ZDHHC21: variants seen among roughly 807,000 people sequenced by gnomAD.
ZDHHC21 encodes palmitoyltransferase ZDHHC21.
A neutral mutation model predicts 34.6 loss-of-function variants in ZDHHC21; 15 were observed. That is an observed-to-expected ratio of 0.43 (90% CI 0.29 to 0.67). The LOEUF is 0.67. ZDHHC21 is among the 30% of genes least tolerant of loss of function. The pLI is 0.14. For synonymous variants in ZDHHC21, 142 were observed against 101.8 expected (o/e 1.40, Z -2.38); for missense variants, 344 against 327.7 (o/e 1.05, Z -0.38).
chr9:14,677,538 T>C (rs758967693), intron 3 of ZDHHC21: 1 of 151,998 alleles, frequency 6.6e-6, no homozygotes, highest in Non-Finnish European at 1.5e-5. Context: ...AAGGACAGCA[T>C]TCATAAAATA....
At chr9:14,685,682 G>C (rs912532187) in intron 2 of ZDHHC21, among the ~76,000 whole-genome samples, 2 of 152,184 alleles carry the variant, frequency 1.3e-5, no homozygotes, top group Non-Finnish European at 2.9e-5. Context: ...AATACCATTT[G>C]ACCCAGCCAT....
chr9:14,604,650 A>G, the ZDHHC21 span, among the ~76,000 whole-genome samples: 1 of 152,172 alleles, frequency 6.6e-6, no homozygotes, highest in African/African-American at 2.4e-5. Context: ...AATTACACAA[A>G]TTTAGTAAAC....
At chr9:14,659,516 G>C (rs1011748646) in intron 6 of ZDHHC21, among the ~76,000 whole-genome samples, 1 of 152,058 alleles carries the variant, frequency 6.6e-6, no homozygotes, top group Non-Finnish European at 1.5e-5. Context: ...AAATTTTCAA[G>C]GCTAATTTAA....
chr9:14,692,298 A>G (rs1408078351), intron 1 of ZDHHC21, among the ~76,000 whole-genome samples: 2 of 152,240 alleles, frequency 1.3e-5, no homozygotes, highest in East Asian at 3.8e-4. Flanking sequence ...ACCACAAGGA[A>G]AGCAGTGAAT....
the ZDHHC21 span, among the ~76,000 whole-genome samples, chr9:14,605,312 AC>A: frequency 4.0e-5 from 6 of 151,626 alleles, no homozygotes; most frequent in Non-Finnish European, 8.8e-5. Context: ...ACCATTTTAC[AC>A]CCCTAGTAAC....
chr9:14,665,536 C>G (rs1834266914), intron 5 of ZDHHC21, among the ~76,000 whole-genome samples: 1 of 151,888 alleles, frequency 6.6e-6, no homozygotes, highest in Non-Finnish European at 1.5e-5. Context: ...AACTCCAAGA[C>G]ACATAATTGT....
the ZDHHC21 span, among the ~76,000 whole-genome samples, chr9:14,602,299 C>G: frequency 1.3e-5 from 2 of 151,806 alleles, no homozygotes; most frequent in African/African-American, 4.8e-5. Context: ...ATAATTCAGT[C>G]AAATTTAAAA....
Position 14,674,269 on chromosome 9 carries a change from CCAAA to C in ZDHHC21, c.68_71del (p.Val23GlyfsTer7). ...TGGGAATTAAAACAATATTGTATAA[CCAAA>C]CAAAGACAATCAAACCCATGCAGCA... is the stretch of plus-strand genomic sequence containing the variant. On this transcript the variant is annotated frameshift_variant, in exon 4 of 10. Transcript: ENST00000380916. LOFTEE classifies it high-confidence loss of function. 3 of 1,597,852 alleles carry C rather than the reference CCAAA, an allele frequency of 1.9e-6. No homozygotes were observed. The highest frequency in any genetic ancestry group is 2.6e-6 in the Non-Finnish European group (3 of 1,173,778).
intron 8 of ZDHHC21, among the ~76,000 whole-genome samples, chr9:14,628,076 A>G (rs932268128): frequency 4.6e-5 from 7 of 152,202 alleles, no homozygotes; most frequent in African/African-American, 1.7e-4. Flanking sequence ...ACAAAAACGT[A>G]TATTTAAATC....
chr9:14,649,557 C>G (rs1830856798), intron 7 of ZDHHC21, among the ~76,000 whole-genome samples: 1 of 152,046 alleles, frequency 6.6e-6, no homozygotes, highest in African/African-American at 2.4e-5. Flanking sequence ...CCTCCACTTC[C>G]CAACCCAACG....
At chr9:14,605,130 T>C in the ZDHHC21 span, among the ~76,000 whole-genome samples, 1 of 152,130 alleles carries the variant, frequency 6.6e-6, no homozygotes, top group Non-Finnish European at 1.5e-5. Context: ...TTAGGTTGTT[T>C]CCATCTCTTG....
In ZDHHC21 at chr9:14,627,049, T is replaced by C. The variant is rs576591879; in HGVS notation, c.622-7367A>G. Among the ~76,000 whole-genome samples, 166 of 152,222 alleles carry C rather than the reference T, an allele frequency of 1.1e-3. 5 individuals are homozygous for C. The South Asian group carries it at 0.033, about 31-fold the overall frequency. On this transcript the variant is annotated intron_variant, in intron 8 of 9. Coordinates refer to ENST00000380916, the MANE Select transcript of ZDHHC21 (RefSeq NM_178566.6). ...TCTGCAATGCTGACCTGGAGCTGAG[T>C]ACATCAAACATAATTGTTATAAAGA...
At chr9:14,666,338 G>C (rs1168851455) in intron 5 of ZDHHC21, among the ~76,000 whole-genome samples, 1 of 133,348 alleles carries the variant, frequency 7.5e-6, no homozygotes, top group African/African-American at 2.7e-5. Context: ...GGAGCACCCA[G>C]ATTCATAAAT....
At chr9:14,630,487 C>T (rs988850076) in intron 8 of ZDHHC21, among the ~76,000 whole-genome samples, 1 of 152,174 alleles carries the variant, frequency 6.6e-6, no homozygotes, top group Non-Finnish European at 1.5e-5. Context: ...TTAGAATCAA[C>T]TTCTTCCAAA....
chr9:14,693,187 G>C (rs1226596122), intron 1 of ZDHHC21, 42 bp downstream of exon 1: 1 of 320,346 alleles, frequency 3.1e-6, no homozygotes, highest in Non-Finnish European at 6.0e-6. Context: ...GATGGGGATG[G>C]GGGTGGGGGC....
chr9:14,686,110 G>A (rs1458495052), intron 2 of ZDHHC21, among the ~76,000 whole-genome samples: 1 of 151,896 alleles, frequency 6.6e-6, no homozygotes, highest in Non-Finnish European at 1.5e-5. Context: ...TGTAAATGAC[G>A]AGTTAATGGG....
At chr9:14,595,501 GTCTT>G in the ZDHHC21 span, among the ~76,000 whole-genome samples, 1 of 152,142 alleles carries the variant, frequency 6.6e-6, no homozygotes, top group East Asian at 1.9e-4. Flanking sequence ...AGTCCAAGGG[GTCTT>G]TCTAAGGTGA....
intron 8 of ZDHHC21, among the ~76,000 whole-genome samples, chr9:14,631,725 T>C (rs1006062170): frequency 1.3e-5 from 2 of 152,068 alleles, no homozygotes; most frequent in Non-Finnish European, 2.9e-5. Context: ...ATTTCAACAT[T>C]ATTGTATCTT....
In ZDHHC21 at chr9:14,633,860, G is replaced by A. The variant is rs545359935; in HGVS notation, c.621+6036C>T. 1.3e-3 allele frequency among the ~76,000 whole-genome samples: 191 copies of A among 152,172 alleles called. 1 individual carries two copies. The highest frequency in any genetic ancestry group is 2.2e-3 in the Non-Finnish European group (153 of 68,006). On this transcript the variant is annotated intron_variant, in intron 8 of 9. Coordinates refer to ENST00000380916, the MANE Select transcript of ZDHHC21 (RefSeq NM_178566.6). Reference sequence around the variant, plus strand: ...AGCTGCAGCCACTGAAAGCAACCCCGTCCTCCCCAGTAGCAGGGCTGCAAT... The same window carrying A: ...AGCTGCAGCCACTGAAAGCAACCCCATCCTCCCCAGTAGCAGGGCTGCAAT...
Sources: allele counts gnomAD v4.1 joint callset (sites outside exome capture counted in the v4.1 genomes callset), GRCh38; gene constraint gnomAD v4.1.1; transcripts MANE v1.5; gene names NCBI Gene and HGNC (gene_info 2026-07-23, HGNC 2026-07-21).